The following MAGI2 variants were observed in gnomAD, a reference collection of about 807,000 sequenced individuals.
MAGI2 encodes the protein membrane associated guanylate kinase, WW and PDZ domain containing 2.
In MAGI2, 35 loss-of-function variants were observed where a neutral mutation model predicts 133.3. The ratio of observed to expected loss-of-function variants is 0.26; its 90% confidence interval spans 0.20 to 0.35. The LOEUF (loss-of-function observed/expected upper bound fraction) is 0.35, where lower values mean the gene tolerates loss of function less well. MAGI2 is among the 10% of genes least tolerant of loss of function. The pLI is 1.00. For missense variants in MAGI2, 1,636 were observed against 1,863.4 expected (o/e 0.88, Z 2.25); for synonymous variants, 729 against 710.6 (o/e 1.03, Z -0.41).
At chr7:79,319,192 G>A (rs920593775) in intron 1 of MAGI2, among the ~76,000 whole-genome samples, 1 of 152,090 alleles carries the variant, frequency 6.6e-6, no homozygotes, top group African/African-American at 2.4e-5. Context: ...AGTTTGGGAT[G>A]TTTGCCACCA....
chr7:79,067,854 T>G (rs893361173), intron 1 of MAGI2, among the ~76,000 whole-genome samples: 5 of 152,340 alleles, frequency 3.3e-5, no homozygotes, highest in African/African-American at 1.2e-4. Context: ...CTGCATCTAT[T>G]GAGATAATCA....
chr7:78,406,919 C>T (rs921324826), intron 6 of MAGI2, among the ~76,000 whole-genome samples: 1 of 152,008 alleles, frequency 6.6e-6, no homozygotes, highest in Non-Finnish European at 1.5e-5. Context: ...TAAGATTATA[C>T]ACACCATAAA....
intron 1 of MAGI2, among the ~76,000 whole-genome samples, chr7:79,076,248 G>A (rs1365375709): frequency 6.6e-6 from 1 of 151,834 alleles, no homozygotes; most frequent in Non-Finnish European, 1.5e-5. Context: ...AAGTACCTAG[G>A]TACTAACTAG....
chr7:78,326,323 C>T (rs1392100712), intron 9 of MAGI2, among the ~76,000 whole-genome samples: 1 of 152,182 alleles, frequency 6.6e-6, no homozygotes, highest in Non-Finnish European at 1.5e-5. Context: ...TGAAATCCAC[C>T]CTGATCTCTC....
intron 2 of MAGI2, among the ~76,000 whole-genome samples, chr7:78,809,080 C>A (rs1317688695): frequency 6.6e-6 from 1 of 152,098 alleles, no homozygotes; most frequent in Non-Finnish European, 1.5e-5. Flanking sequence ...GAAAATACAA[C>A]AATTTGTCTT....
chr7:79,343,025 A>G (rs993925325), intron 1 of MAGI2, among the ~76,000 whole-genome samples: 2 of 152,092 alleles, frequency 1.3e-5, no homozygotes, highest in African/African-American at 4.8e-5. Flanking sequence ...CGGCCTCCCA[A>G]AGTGCTGGGA....
intron 1 of MAGI2, among the ~76,000 whole-genome samples, chr7:79,357,264 A>C (rs986510811): frequency 3.3e-5 from 5 of 152,178 alleles, no homozygotes; most frequent in African/African-American, 1.2e-4. Context: ...TTGACAATGC[A>C]TCCTGGGAGA....
intron 2 of MAGI2, among the ~76,000 whole-genome samples, chr7:78,995,274 T>C (rs976902693): frequency 1.3e-5 from 2 of 152,126 alleles, no homozygotes; most frequent in Non-Finnish European, 2.9e-5. Flanking sequence ...CTATGGGCTG[T>C]GGGTTGGGTA....
chr7:79,027,302 A>G (rs1809994850), intron 1 of MAGI2, among the ~76,000 whole-genome samples: 1 of 151,476 alleles, frequency 6.6e-6, no homozygotes, highest in African/African-American at 2.4e-5. Context: ...GTGTTCATCA[A>G]CAGGTGAATG....
intron 2 of MAGI2, among the ~76,000 whole-genome samples, chr7:78,993,071 G>C (rs139251228): frequency 6.6e-6 from 1 of 152,012 alleles, no homozygotes; most frequent in East Asian, 1.9e-4. Context: ...AATAAAAAAT[G>C]AACAAAAACT....
chr7:78,959,576 T>C (rs980179617), intron 2 of MAGI2, among the ~76,000 whole-genome samples: 1 of 152,180 alleles, frequency 6.6e-6, no homozygotes, highest in African/African-American at 2.4e-5. Flanking sequence ...CAATACATTA[T>C]AACATCTCTT....
At chr7:79,414,551 T>C (rs945629826) in intron 1 of MAGI2, 2 of 152,154 alleles carry the variant, frequency 1.3e-5, no homozygotes, top group African/African-American at 4.8e-5. Context: ...TCCAGCCATT[T>C]TGCAAATGGA....
At chr7:78,461,154 T>G (rs1214234102) in intron 6 of MAGI2, among the ~76,000 whole-genome samples, 1 of 152,216 alleles carries the variant, frequency 6.6e-6, no homozygotes, top group African/African-American at 2.4e-5. Context: ...GTTTATCCAG[T>G]TATTGTTTTA....
At chr7:78,934,239 TTACAG>T (rs1800350592) in intron 2 of MAGI2, among the ~76,000 whole-genome samples, 1 of 152,070 alleles carries the variant, frequency 6.6e-6, no homozygotes, top group Non-Finnish European at 1.5e-5. Context: ...GTAGTTGGGA[TTACAG>T]GTGCCTGTCA....
chr7:79,432,447 A>T (rs1847840788), intron 1 of MAGI2, among the ~76,000 whole-genome samples: 1 of 152,246 alleles, frequency 6.6e-6, no homozygotes, highest in Non-Finnish European at 1.5e-5. Context: ...AGGAATGTTC[A>T]TAAGAATGGG....
intron 4 of MAGI2, among the ~76,000 whole-genome samples, chr7:78,505,872 CAGA>C (rs1324832823): frequency 6.6e-6 from 1 of 151,068 alleles, no homozygotes; most frequent in Non-Finnish European, 1.5e-5. Context: ...AGGGTTCTTT[CAGA>C]AGAAGGTAAG....
At chr7:79,168,889 G>GATATATATATAT (rs1182056135) in intron 1 of MAGI2, among the ~76,000 whole-genome samples, 4 of 14,612 alleles carry the variant, frequency 2.7e-4, no homozygotes, top group East Asian at 1.7e-3. Flanking sequence ...TCTAAAGATA[G>GATATATATATAT]ATATATATAT....
intron 2 of MAGI2, among the ~76,000 whole-genome samples, chr7:78,892,691 A>G (rs1337610768): frequency 7.9e-5 from 12 of 152,358 alleles, no homozygotes; most frequent in Non-Finnish European, 1.2e-4. Flanking sequence ...GAAAGCTGAA[A>G]CTGGATCCCT....
intron 9 of MAGI2, among the ~76,000 whole-genome samples, chr7:78,317,569 G>A (rs62463919): frequency 0.22 from 33,969 of 152,212 alleles, 5,023 homozygotes; most frequent in African/African-American, 0.4. Context: ...AGCTTCAGCC[G>A]ACTTAAACGT....
Sources: gnomAD v4.1 joint callset for allele counts (sites outside exome capture counted in the v4.1 genomes callset) on GRCh38, gnomAD v4.1.1 for gene constraint, MANE v1.5 for transcripts, NCBI Gene and HGNC (gene_info 2026-07-23, HGNC 2026-07-21) for gene names.